Variants in DLGAP2 observed in about 807,000 individuals in gnomAD.
DLGAP2 encodes disks large-associated protein 2.
A neutral mutation model predicts 100.3 loss-of-function variants in DLGAP2; 26 were observed. The observed-to-expected ratio is 0.26, with a 90% CI of 0.19 to 0.36. DLGAP2 has a LOEUF of 0.36. Among genes scored for constraint, DLGAP2 ranks in the 10% least tolerant of loss-of-function variants. The probability of loss-of-function intolerance (pLI) is 1.00; values close to 1 mark genes in which losing one functional copy is unlikely to be tolerated. For missense variants in DLGAP2, 1,858 were observed against 1,453.2 expected (o/e 1.28, Z -4.53); for synonymous variants, 886 against 630.1 (o/e 1.41, Z -6.08).
intron 3 of DLGAP2, among the ~76,000 whole-genome samples, chr8:1,335,725 G>A (rs1259602473): frequency 2.0e-5 from 3 of 152,212 alleles, no homozygotes; most frequent in African/African-American, 7.2e-5. Flanking sequence ...GACGCCCAGG[G>A]AACCCTGAGT....
chr8:1,550,080 C>T (rs1801708825), intron 5 of DLGAP2, among the ~76,000 whole-genome samples: 1 of 152,202 alleles, frequency 6.6e-6, no homozygotes, highest in Non-Finnish European at 1.5e-5. Flanking sequence ...CCTATGAGTT[C>T]AGCTGTTTCA....
At chr8:922,241 A>G (rs1798730344) in intron 2 of DLGAP2, among the ~76,000 whole-genome samples, 1 of 152,184 alleles carries the variant, frequency 6.6e-6, no homozygotes, top group Non-Finnish European at 1.5e-5. Context: ...TCTCTTCTCT[A>G]ACCCATTAAC....
intron 2 of DLGAP2, among the ~76,000 whole-genome samples, chr8:1,184,102 C>T (rs1797448887): frequency 2.0e-5 from 3 of 152,176 alleles, no homozygotes; most frequent in South Asian, 2.1e-4. Flanking sequence ...GGGGAAGCAG[C>T]GTGTTTGCAT....
chr8:1,558,663 A>T (rs1237812079), intron 5 of DLGAP2, among the ~76,000 whole-genome samples: 1 of 151,734 alleles, frequency 6.6e-6, no homozygotes, highest in Non-Finnish European at 1.5e-5. Flanking sequence ...ACACATATGC[A>T]CATAGGCATG....
intron 2 of DLGAP2, among the ~76,000 whole-genome samples, chr8:1,049,680 C>T (rs746395737): frequency 2.0e-5 from 3 of 151,988 alleles, no homozygotes; most frequent in Admixed American, 1.3e-4. Context: ...TCCATGAATA[C>T]AGACCCATGC....
chr8:1,658,729 T>G (rs1450861021), intron 8 of DLGAP2, among the ~76,000 whole-genome samples: 3 of 152,220 alleles, frequency 2.0e-5, no homozygotes, highest in Non-Finnish European at 4.4e-5. Context: ...TTGATTCTTC[T>G]CTCTTCGCTT....
At chr8:1,326,494 C>T (rs1292247100) in intron 3 of DLGAP2, among the ~76,000 whole-genome samples, 2 of 151,298 alleles carry the variant, frequency 1.3e-5, no homozygotes, top group Non-Finnish European at 2.9e-5. Context: ...CGGTCCGGGC[C>T]TGTCACTCAG....
intron 1 of DLGAP2, among the ~76,000 whole-genome samples, chr8:786,333 A>C (rs1328907271): frequency 1.3e-5 from 2 of 152,046 alleles, no homozygotes; most frequent in Non-Finnish European, 2.9e-5. Context: ...CCGGGCTCCC[A>C]CTTCTCGCGG....
intron 1 of DLGAP2, among the ~76,000 whole-genome samples, chr8:826,071 G>C (rs1018722492): frequency 4.6e-5 from 7 of 152,220 alleles, no homozygotes; most frequent in African/African-American, 1.7e-4. Context: ...TTGAGAACAT[G>C]CTGTGTTTAT....
At chr8:1,363,627 A>C (rs932630802) in intron 3 of DLGAP2, among the ~76,000 whole-genome samples, 16 of 152,256 alleles carry the variant, frequency 1.1e-4, no homozygotes, top group Admixed American at 5.2e-4. Flanking sequence ...TGGACCTGCA[A>C]ATCTCCTCTG....
intron 2 of DLGAP2, among the ~76,000 whole-genome samples, chr8:1,075,141 C>T (rs1374224678): frequency 6.6e-6 from 1 of 152,218 alleles, no homozygotes; most frequent in African/African-American, 2.4e-5. Flanking sequence ...ATGGAGTTCA[C>T]CACTTGGGGC....
intron 3 of DLGAP2, among the ~76,000 whole-genome samples, chr8:1,419,035 C>A (rs1797017477): frequency 6.6e-6 from 1 of 152,266 alleles, no homozygotes; most frequent in South Asian, 2.1e-4. Flanking sequence ...AGGCCAGGGC[C>A]ATGTGGACTC....
Position 1,317,092 on chromosome 8 carries a change from C to T in DLGAP2, c.106+58209C>T, listed in dbSNP as rs1171510071. 6.0e-5 allele frequency among the ~76,000 whole-genome samples: 8 copies of T among 133,504 alleles called. 1 individual carries two copies. In the South Asian group the frequency reaches 7.5e-4, roughly 12 times the overall value. 87.6% of individuals were successfully genotyped at this position (133,504 alleles called of 152,430 possible). A position where few individuals can be genotyped will look rare whatever the true frequency, so the allele number is the denominator to read the frequency against. On this transcript the variant is annotated intron_variant, in intron 3 of 14. Coordinates refer to ENST00000637795, the MANE Select transcript of DLGAP2 (RefSeq NM_001346810.2). The stretch of plus-strand genomic sequence containing the variant: ...GGTCTACACTCGAGACACTCGGCAG[C>T]GTTTAAAAATAGAGCCTGTGCGAGT...
chr8:1,701,290 G>C lies in DLGAP2; in HGVS notation c.3052G>C (p.Glu1018Gln). 1 of 1,584,962 alleles carries C rather than the reference G, an allele frequency of 6.3e-7. No homozygotes were observed. Among genetic ancestry groups the C allele is most frequent in the South Asian group, 1.2e-5 (1 of 86,816 alleles). ...GGACCTGCCCGACAGACAACGCCAG[G>C]AAGCCCGGAGGCGCCTCATGGCCGC... ...SLDLPDRQRQ[E>Q]ARRRLMAAKR... The change falls in exon 15 of 15, where the codon GAA becomes CAA. Residue 1018 changes from glutamate to glutamine, a missense_variant. Glu to Gln is a conservative substitution (Grantham distance 29, BLOSUM62 2). Transcript: ENST00000637795.
rs572420034 is a variant in DLGAP2 at position 1,289,497 on chromosome 8, C to T, written c.106+30614C>T. ...TGCACACTGGACAGTATCAGTAAGACTCACGTGCGGGGATAGAGCTGTAAA... is the reference window on the plus strand; with the variant it reads ...TGCACACTGGACAGTATCAGTAAGATTCACGTGCGGGGATAGAGCTGTAAA... On this transcript the variant is annotated intron_variant, in intron 3 of 14. Coordinates refer to ENST00000637795, the MANE Select transcript of DLGAP2 (RefSeq NM_001346810.2). 2.0e-4 allele frequency among the ~76,000 whole-genome samples: 31 copies of T among 152,178 alleles called. 1 individual carries two copies. The highest frequency in any genetic ancestry group is 7.0e-4 in the African/African-American group (29 of 41,448).
chr8:1,683,901 C>CAT (rs1799034102), intron 12 of DLGAP2, among the ~76,000 whole-genome samples: 2 of 72,800 alleles, frequency 2.7e-5, no homozygotes, highest in Admixed American at 1.5e-4. Flanking sequence ...TGTGTGTATA[C>CAT]ACATATATGT....
At chr8:979,932 G>A (rs996676089) in intron 2 of DLGAP2, among the ~76,000 whole-genome samples, 1 of 152,218 alleles carries the variant, frequency 6.6e-6, no homozygotes, top group Non-Finnish European at 1.5e-5. Flanking sequence ...AGAAAGAGGA[G>A]TGAGAGAGGG....
At chr8:759,546 A>G (rs977863592) in intron 1 of DLGAP2, among the ~76,000 whole-genome samples, 1 of 150,092 alleles carries the variant, frequency 6.7e-6, no homozygotes, top group African/African-American at 2.5e-5. Flanking sequence ...ACGGGTGTGC[A>G]CAGGTGTGTG....
Position 1,614,690 on chromosome 8 carries a change from G to T in DLGAP2, c.1443-12050G>T, listed in dbSNP as rs188096314. Among the ~76,000 whole-genome samples, 39 of 152,364 alleles carry T rather than the reference G, an allele frequency of 2.6e-4. 1 individual carries two copies. Among genetic ancestry groups the T allele is most frequent in the African/African-American group, 8.7e-4 (36 of 41,602 alleles). ...CAGCAGCAGAACTGATATGCAGGTT[G>T]GCCAAGCCAAGGACAGTTGCTCACC... is the stretch of plus-strand genomic sequence containing the variant. On this transcript the variant is annotated intron_variant, in intron 6 of 14. Transcript: ENST00000637795.
Sources: gnomAD v4.1 joint callset for allele counts (sites outside exome capture counted in the v4.1 genomes callset) on GRCh38, gnomAD v4.1.1 for gene constraint, MANE v1.5 for transcripts, NCBI Gene and HGNC (gene_info 2026-07-23, HGNC 2026-07-21) for gene names.